PTPRN2: variants seen among roughly 807,000 people sequenced by gnomAD.
The protein encoded by PTPRN2 is protein tyrosine phosphatase receptor type N2, also known as receptor-type tyrosine-protein phosphatase N2.
Under a neutral mutation model 118.8 loss-of-function variants are expected in PTPRN2, and 74 were observed. That is an observed-to-expected ratio of 0.62 (90% CI 0.52 to 0.76). The LOEUF is 0.76. PTPRN2 is among the 30% of genes least tolerant of loss of function. The pLI, the probability that PTPRN2 is intolerant of heterozygous loss-of-function variation, is 0.00. For missense variants in PTPRN2, 1,481 were observed against 1,394.4 expected (o/e 1.06, Z -0.99); for synonymous variants, 641 against 608.0 (o/e 1.05, Z -0.80).
At chr7:157,602,189 G>A (rs959852060) in intron 16 of PTPRN2, among the ~76,000 whole-genome samples, 1 of 152,206 alleles carries the variant, frequency 6.6e-6, no homozygotes, top group Non-Finnish European at 1.5e-5. Flanking sequence ...CAGAAACCTG[G>A]GTTCAGGTGG....
Position 158,491,497 on chromosome 7 carries a change from A to AT in PTPRN2, c.113-1713dup, listed in dbSNP as rs201538046. The stretch of plus-strand genomic sequence containing the variant: ...GAAATAACAATCTCATGAAAAACAG[A>AT]TTTTTTTTTTTGATGGAGTCTTGCT... On this transcript the variant is annotated intron_variant, in intron 1 of 22. Coordinates refer to ENST00000389418, the MANE Select transcript of PTPRN2 (RefSeq NM_002847.5). 5.8e-3 allele frequency among the ~76,000 whole-genome samples: 870 copies of AT among 148,914 alleles called. 7 individuals carry two copies. The highest frequency in any genetic ancestry group is 0.018 in the African/African-American group (748 of 40,840).
At chr7:158,425,897 G>C (rs192445667) in intron 2 of PTPRN2, among the ~76,000 whole-genome samples, 118 of 50,442 alleles carry the variant, frequency 2.3e-3, no homozygotes, top group African/African-American at 7.4e-3. Flanking sequence ...GGCCTGCACA[G>C]CGCCGGGAAA....
intron 22 of PTPRN2, among the ~76,000 whole-genome samples, chr7:157,545,112 G>A (rs755484093): frequency 2.0e-5 from 3 of 150,350 alleles, no homozygotes; most frequent in Non-Finnish European, 4.4e-5. Flanking sequence ...GGGTGTGTAG[G>A]TGTGTGTGGG....
chr7:158,207,879 A>G (rs1563605218), intron 3 of PTPRN2, among the ~76,000 whole-genome samples: 1 of 152,242 alleles, frequency 6.6e-6, no homozygotes, highest in Non-Finnish European at 1.5e-5. Flanking sequence ...AAAAAAATTC[A>G]GTGAAATTCA....
chr7:158,184,941 G>C (rs1198507323), intron 5 of PTPRN2, among the ~76,000 whole-genome samples: 1 of 152,210 alleles, frequency 6.6e-6, no homozygotes, highest in African/African-American at 2.4e-5. Flanking sequence ...CTTAGATGTA[G>C]GTTTCCGTCA....
intron 11 of PTPRN2, among the ~76,000 whole-genome samples, chr7:157,983,896 G>A (rs1212628063): frequency 1.3e-5 from 2 of 152,164 alleles, no homozygotes; most frequent in Admixed American, 6.5e-5. Context: ...CTGGACACAC[G>A]GATGTTCTGG....
intron 17 of PTPRN2, among the ~76,000 whole-genome samples, chr7:157,580,112 A>G (rs2150531081): frequency 6.6e-6 from 1 of 152,322 alleles, no homozygotes; most frequent in African/African-American, 2.4e-5. Context: ...TTTCTCATTG[A>G]CTTGGTCTTT....
intron 9 of PTPRN2, among the ~76,000 whole-genome samples, chr7:158,131,329 T>A (rs901745753): frequency 1.3e-5 from 1 of 74,078 alleles, no homozygotes; most frequent in African/African-American, 8.7e-5. Flanking sequence ...ACATACACAC[T>A]CATACACATG....
At chr7:157,969,019 G>A (rs4716847) in intron 11 of PTPRN2, among the ~76,000 whole-genome samples, 103,359 of 152,110 alleles carry the variant, frequency 0.68, 35,150 homozygotes, top group Admixed American at 0.73. Flanking sequence ...ATGTATACTC[G>A]TTGAAATTTT....
chr7:158,560,574 C>A (rs2129450895), intron 1 of PTPRN2, among the ~76,000 whole-genome samples: 1 of 152,392 alleles, frequency 6.6e-6, no homozygotes. Context: ...GCTCCGCGCG[C>A]AGGACTGTGC....
intron 2 of PTPRN2, among the ~76,000 whole-genome samples, chr7:158,375,823 T>C (rs998533121): frequency 2.0e-5 from 3 of 151,994 alleles, no homozygotes; most frequent in South Asian, 2.1e-4. Context: ...AGAAAGGAGA[T>C]TGGCTGCGGG....
chr7:158,527,652 C>T (rs1223146270), intron 1 of PTPRN2, among the ~76,000 whole-genome samples: 1 of 152,212 alleles, frequency 6.6e-6, no homozygotes, highest in East Asian at 1.9e-4. Context: ...GGGTTGTGCA[C>T]AGGGCAGGGC....
intron 3 of PTPRN2, among the ~76,000 whole-genome samples, chr7:158,234,271 CAAA>C (rs146167117): frequency 5.2e-5 from 7 of 134,548 alleles, no homozygotes; most frequent in Non-Finnish European, 9.9e-5. Context: ...CACTCAACAG[CAAA>C]AAAAAAACAA....
rs1048210952 is a variant in PTPRN2 at position 157,690,400 on chromosome 7, G to A, written c.1789-7463C>T. On this transcript the variant is annotated intron_variant, in intron 12 of 22. Transcript: ENST00000389418. The surrounding 1 kb of genome is among the most constrained non-coding windows in gnomAD (Gnocchi z 7.1). ...CATGCGCGCCCTCCAGCCTTCGAAAGCTCTCTTCCTCGCCCCACCACCTAC... is the reference window on the plus strand; with the variant it reads ...CATGCGCGCCCTCCAGCCTTCGAAAACTCTCTTCCTCGCCCCACCACCTAC... Among the ~76,000 whole-genome samples, 3 of 152,228 alleles carry A rather than the reference G, an allele frequency of 2.0e-5. No individual in the cohort carries two copies. The highest frequency in any genetic ancestry group is 2.1e-4 in the South Asian group (1 of 4,832).
chr7:158,405,500 G>T (rs150862732), intron 2 of PTPRN2, among the ~76,000 whole-genome samples: 1 of 152,134 alleles, frequency 6.6e-6, no homozygotes, highest in African/African-American at 2.4e-5. Context: ...TGCAGCGTCC[G>T]ACCGTCTCTC....
intron 2 of PTPRN2, among the ~76,000 whole-genome samples, chr7:158,458,411 T>C (rs1470080089): frequency 6.6e-6 from 1 of 152,170 alleles, no homozygotes; most frequent in Non-Finnish European, 1.5e-5. Context: ...CTTAGAAATA[T>C]TGACACTGGC....
intron 11 of PTPRN2, among the ~76,000 whole-genome samples, chr7:157,959,082 G>A (rs1309892887): frequency 6.6e-6 from 1 of 152,228 alleles, no homozygotes; most frequent in Admixed American, 6.5e-5. Context: ...AAACCCTTTT[G>A]TGTACAAATG....
chr7:158,500,240 A>G (rs1822262601), intron 1 of PTPRN2, among the ~76,000 whole-genome samples: 1 of 152,210 alleles, frequency 6.6e-6, no homozygotes, highest in Non-Finnish European at 1.5e-5. Context: ...TATTTGCTAC[A>G]GGCAACTGGA....
rs1806353448 is a variant in PTPRN2, at chr7:158,015,130, C to T, written c.1723+66168G>A. 6.6e-6 allele frequency among the ~76,000 whole-genome samples: 1 copy of T among 152,166 alleles called. No individual in the cohort carries two copies. Among genetic ancestry groups the T allele is most frequent in the South Asian group, 2.1e-4 (1 of 4,826 alleles). ...GAGGCTCAGATAGAGCAGAGGGAAA[C>T]AATTCAGCTCCAGATACCCAGGGGG... On this transcript the variant is annotated intron_variant, in intron 11 of 22. Transcript: ENST00000389418. The surrounding 1 kb of genome is among the most constrained non-coding windows in gnomAD (Gnocchi z 4.2).
Sources: gnomAD v4.1 joint callset for allele counts (sites outside exome capture counted in the v4.1 genomes callset) on GRCh38, gnomAD v4.1.1 for gene constraint, Gnocchi (gnomAD v3.1) non-coding constraint, MANE v1.5 for transcripts, NCBI Gene and HGNC (gene_info 2026-07-23, HGNC 2026-07-21) for gene names.